The following CCDC171 variants were observed in gnomAD, a reference collection of about 807,000 sequenced individuals.
CCDC171 encodes the protein coiled-coil domain containing 171, also known as coiled-coil domain-containing protein 171.
In CCDC171, 177 loss-of-function variants were observed where a neutral mutation model predicts 168.2. The observed-to-expected ratio is 1.05, with a 90% CI of 0.93 to 1.19. The LOEUF is 1.19. CCDC171 is among the 50% of genes most tolerant of loss of function. The pLI is 0.00. For synonymous variants in CCDC171, 687 were observed against 540.8 expected (o/e 1.27, Z -3.75); for missense variants, 1,991 against 1,539.0 (o/e 1.29, Z -4.91).
chr9:15,791,613 T>A (rs7859718), intron 21 of CCDC171, among the ~76,000 whole-genome samples: 1 of 151,940 alleles, frequency 6.6e-6, no homozygotes, highest in East Asian at 1.9e-4. Context: ...ATTGCCCTGG[T>A]CAGAACTTCC....
At chr9:15,707,010 C>G (rs2052297220) in intron 11 of CCDC171, among the ~76,000 whole-genome samples, 1 of 152,182 alleles carries the variant, frequency 6.6e-6, no homozygotes, top group African/African-American at 2.4e-5. Flanking sequence ...ATTGCCTACA[C>G]CTAGTATCCT....
intron 7 of CCDC171, among the ~76,000 whole-genome samples, chr9:15,626,584 G>A (rs7847045): frequency 5.9e-4 from 90 of 152,274 alleles, no homozygotes; most frequent in African/African-American, 2.0e-3. Context: ...TGTGGTTTTT[G>A]TCTTTGGGTC....
intron 16 of CCDC171, among the ~76,000 whole-genome samples, chr9:15,739,562 A>G (rs2134515797): frequency 6.6e-6 from 1 of 152,294 alleles, no homozygotes; most frequent in South Asian, 2.1e-4. Flanking sequence ...CAGTATAAGG[A>G]TTTAAAAAAA....
In CCDC171 at chr9:15,784,965, A is replaced by G. The variant is rs140156942; in HGVS notation, c.3267+271A>G. On this transcript the variant is annotated intron_variant, in intron 21 of 25. Transcript: ENST00000380701. ...ATTATTATTAACAATAAAATTAACA[A>G]TAAATTTTTGTTTCTTTTATCTTCT... Among the ~76,000 whole-genome samples, 3 of 152,266 alleles carry G rather than the reference A, an allele frequency of 2.0e-5. No individual in the cohort carries two copies. In the East Asian group the frequency reaches 5.8e-4, roughly 29 times the overall value.
At chr9:15,859,049 G>C (rs1291587341) in intron 23 of CCDC171, among the ~76,000 whole-genome samples, 2 of 151,992 alleles carry the variant, frequency 1.3e-5, no homozygotes, top group African/African-American at 2.4e-5. Flanking sequence ...GGTGTGTTCA[G>C]CTACTTTTCT....
At chr9:15,630,721 A>G (rs1037640137) in intron 7 of CCDC171, among the ~76,000 whole-genome samples, 3 of 152,206 alleles carry the variant, frequency 2.0e-5, no homozygotes, top group African/African-American at 7.2e-5. Flanking sequence ...AACAGAATAT[A>G]CATTTTTTTC....
At chr9:15,710,686 C>G (rs1173375838) in intron 11 of CCDC171, among the ~76,000 whole-genome samples, 1 of 152,022 alleles carries the variant, frequency 6.6e-6, no homozygotes. Context: ...ACCTCCATCT[C>G]CCAGGTTCAA....
At chr9:15,967,371 T>C (rs1830905165) in intron 25 of CCDC171, among the ~76,000 whole-genome samples, 1 of 152,212 alleles carries the variant, frequency 6.6e-6, no homozygotes, top group Non-Finnish European at 1.5e-5. Context: ...AAGAGTACTA[T>C]AGAATTTAAT....
intron 25 of CCDC171, among the ~76,000 whole-genome samples, chr9:15,931,061 C>G (rs1826447732): frequency 6.6e-6 from 1 of 151,700 alleles, no homozygotes. Context: ...GTGCAGCTAT[C>G]TCTTTGACCT....
At chr9:16,088,277 G>C in the CCDC171 span, among the ~76,000 whole-genome samples, 1 of 152,306 alleles carries the variant, frequency 6.6e-6, no homozygotes, top group East Asian at 1.9e-4. Flanking sequence ...TACTGAATGG[G>C]CAAAAGCTGT....
rs185085730 is a variant in CCDC171 at position 16,010,144 on chromosome 9, A to C, written n.369-10445A>C. On this transcript the variant is annotated intron_variant and non_coding_transcript_variant, in intron 3 of 9. Transcript: ENST00000486641. The stretch of plus-strand genomic sequence containing the variant: ...AGTAGAGTAGAAATTGAATGTTCTG[A>C]AGTCTGAATGTGTGTGTGTGTACTT... Among the ~76,000 whole-genome samples the C allele has an allele frequency of 1.9e-3, 293 of 152,228 alleles. 2 individuals are homozygous for C. Among genetic ancestry groups the C allele is most frequent in the African/African-American group, 6.2e-3 (259 of 41,552 alleles).
chr9:16,087,510 T>A, the CCDC171 span, among the ~76,000 whole-genome samples: 5 of 152,114 alleles, frequency 3.3e-5, no homozygotes, highest in African/African-American at 9.6e-5. Context: ...TTTTGATCTT[T>A]GTTGGTTTAA....
chr9:15,623,986 C>G (rs192003034), intron 7 of CCDC171, among the ~76,000 whole-genome samples: 1 of 152,166 alleles, frequency 6.6e-6, no homozygotes, highest in Admixed American at 6.5e-5. Context: ...TTTCTCTTTG[C>G]TTTGTGGGAA....
chr9:15,712,786 G>C (rs1192309922), intron 11 of CCDC171, among the ~76,000 whole-genome samples: 2 of 152,120 alleles, frequency 1.3e-5, no homozygotes, highest in African/African-American at 4.8e-5. Flanking sequence ...CACTCAACAG[G>C]AGTTGTAACC....
intron 4 of CCDC171, 114 bp downstream of exon 4, chr9:15,579,137 A>C: frequency 1.2e-6 from 1 of 809,938 alleles, no homozygotes; most frequent in Non-Finnish European, 1.9e-6. Flanking sequence ...TGATTCGTTG[A>C]CTGACTTTTG....
At chr9:15,920,804 C>G (rs1825213360) in intron 25 of CCDC171, among the ~76,000 whole-genome samples, 1 of 151,628 alleles carries the variant, frequency 6.6e-6, no homozygotes, top group Admixed American at 6.6e-5. Context: ...GTAATTAGAA[C>G]ATGTGATTAT....
chr9:15,613,319 G>A (rs553441890), intron 6 of CCDC171, among the ~76,000 whole-genome samples: 3 of 152,028 alleles, frequency 2.0e-5, no homozygotes, highest in Non-Finnish European at 4.4e-5. Flanking sequence ...AGTGAATGAC[G>A]TAGAATGAAA....
rs951014562 is a variant in CCDC171, at chr9:15,678,770, G to C, written c.1089G>C (p.Glu363Asp). ...TTTAACTTTTCAGATTAGAAAAAGA[G>C]TATTTCTCCAAAAATAAGAAACTAA... ...SFAKLNLLEK[E>D]YFSKNKKLNE... The change falls in exon 10 of 26, where the codon GAG becomes GAC. Residue 363 changes from glutamate (E) to aspartate (D), a missense_variant. Glu to Asp is a conservative substitution (Grantham distance 45). Coordinates refer to ENST00000380701, the MANE Select transcript of CCDC171 (RefSeq NM_173550.4). 1 of 1,584,640 alleles carries C rather than the reference G, an allele frequency of 6.3e-7. No homozygotes were observed. The highest frequency in any genetic ancestry group is 1.4e-5 in the African/African-American group (1 of 72,848).
the CCDC171 span, among the ~76,000 whole-genome samples, chr9:16,107,897 G>A: frequency 6.6e-6 from 1 of 152,094 alleles, no homozygotes; most frequent in Non-Finnish European, 1.5e-5. Flanking sequence ...TCATTATAAT[G>A]TAGCATATGC....
Sources: gnomAD v4.1 joint callset for allele counts (sites outside exome capture counted in the v4.1 genomes callset) on GRCh38, gnomAD v4.1.1 for gene constraint, MANE v1.5 for transcripts, NCBI Gene and HGNC (gene_info 2026-07-23, HGNC 2026-07-21) for gene names.